PDE10A: variants seen among roughly 807,000 people sequenced by gnomAD.
PDE10A encodes the protein phosphodiesterase 10A.
Under a neutral mutation model 97.7 loss-of-function variants are expected in PDE10A, and 39 were observed. That is an observed-to-expected ratio of 0.40 (90% CI 0.31 to 0.52). PDE10A has a LOEUF of 0.52. Ranked by LOEUF, PDE10A falls within the 20% of genes least tolerant of loss-of-function variation. The pLI, the probability that PDE10A is intolerant of heterozygous loss-of-function variation, is 0.56. For synonymous variants in PDE10A, 371 were observed against 376.8 expected (o/e 0.98, Z 0.18); for missense variants, 731 against 1,047.8 (o/e 0.70, Z 4.17).
At chr6:165,454,917 T>C (rs1777859975) in intron 3 of PDE10A, among the ~76,000 whole-genome samples, 1 of 152,116 alleles carries the variant, frequency 6.6e-6, no homozygotes, top group African/African-American at 2.4e-5. Flanking sequence ...TTCCCAGACA[T>C]GAGCCAATTC....
At chr6:165,970,919 G>C (rs1784649528) in intron 1 of PDE10A, among the ~76,000 whole-genome samples, 1 of 152,208 alleles carries the variant, frequency 6.6e-6, no homozygotes, top group Admixed American at 6.5e-5. Flanking sequence ...GGCCAAGGCA[G>C]GTGGATTACC....
chr6:165,476,652 T>C (rs1314415986), intron 3 of PDE10A, among the ~76,000 whole-genome samples: 1 of 152,132 alleles, frequency 6.6e-6, no homozygotes, highest in African/African-American at 2.4e-5. Flanking sequence ...CACCACATAC[T>C]AGGTTAAATT....
chr6:165,346,773 T>C (rs1562368932), intron 18 of PDE10A, among the ~76,000 whole-genome samples: 1 of 152,298 alleles, frequency 6.6e-6, no homozygotes, highest in East Asian at 1.9e-4. Flanking sequence ...TACTATTTTG[T>C]TGGAAAAGAA....
At chr6:165,833,079 C>T (rs1349272792) in intron 1 of PDE10A, among the ~76,000 whole-genome samples, 1 of 152,182 alleles carries the variant, frequency 6.6e-6, no homozygotes, top group Non-Finnish European at 1.5e-5. Flanking sequence ...TTTTACAGTC[C>T]TATAACATCT....
intron 1 of PDE10A, among the ~76,000 whole-genome samples, chr6:165,637,360 CAT>C (rs760578367): frequency 9.2e-5 from 14 of 152,168 alleles, no homozygotes; most frequent in African/African-American, 1.4e-4. Context: ...TCACCGCACA[CAT>C]GTCCTGCCAG....
chr6:165,829,530 C>A (rs369124538), intron 1 of PDE10A, among the ~76,000 whole-genome samples: 64 of 152,360 alleles, frequency 4.2e-4, no homozygotes, highest in African/African-American at 1.5e-3. Flanking sequence ...TGGGGAGGAG[C>A]ATGCTTCGCC....
intron 1 of PDE10A, among the ~76,000 whole-genome samples, chr6:165,759,618 G>A (rs188986408): frequency 1.3e-5 from 2 of 152,190 alleles, no homozygotes; most frequent in Admixed American, 6.5e-5. Context: ...TTAACACACT[G>A]CAGTGAATAA....
chr6:165,598,917 C>T (rs1258995458), intron 1 of PDE10A, among the ~76,000 whole-genome samples: 1 of 152,190 alleles, frequency 6.6e-6, no homozygotes, highest in African/African-American at 2.4e-5. Context: ...GCTCCCTGTA[C>T]ATGTCCAGTT....
At position 165,523,423 on chromosome 6, in the gene PDE10A, C is replaced by A. The variant is rs76859344; in HGVS notation, c.994+20017G>T. ...CACAGTACTGGTACAAAAACAGACA[C>A]ATAGAGCAATGAATAGAATAGAGAA... On this transcript the variant is annotated intron_variant, in intron 2 of 21. Coordinates refer to ENST00000539869, the MANE Select transcript of PDE10A (RefSeq NM_001385079.1). Among the ~76,000 whole-genome samples the A allele has an allele frequency of 7.4e-3, 1,132 of 152,060 alleles. 12 individuals are homozygous for A. Among genetic ancestry groups the A allele is most frequent in the African/African-American group, 0.026 (1,100 of 41,518 alleles).
At chr6:165,718,658 C>A (rs189114992) in intron 1 of PDE10A, among the ~76,000 whole-genome samples, 1 of 151,146 alleles carries the variant, frequency 6.6e-6, no homozygotes, top group Non-Finnish European at 1.5e-5. Context: ...TCCCCCCGGA[C>A]GAGACACAGG....
chr6:165,544,574 TAAAA>T (rs58985507), intron 1 of PDE10A, among the ~76,000 whole-genome samples: 3 of 134,424 alleles, frequency 2.2e-5, no homozygotes, highest in Admixed American at 7.6e-5. Context: ...ATGGTTAGGT[TAAAA>T]AAAAAAAAAA....
At chr6:165,788,172 T>C (rs1018012731) in intron 1 of PDE10A, among the ~76,000 whole-genome samples, 1 of 152,112 alleles carries the variant, frequency 6.6e-6, no homozygotes, top group African/African-American at 2.4e-5. Flanking sequence ...ACATATATTA[T>C]GTGTAGAATA....
intron 7 of PDE10A, 59 bp from the exon 8 acceptor site, chr6:165,431,531 C>T (rs1583272826): frequency 1.8e-6 from 1 of 569,440 alleles, no homozygotes; most frequent in Non-Finnish European, 2.9e-6. Context: ...TATATATATA[C>T]TATATATAAT....
At chr6:165,859,225 C>T (rs1437433098) in intron 1 of PDE10A, among the ~76,000 whole-genome samples, 3 of 152,198 alleles carry the variant, frequency 2.0e-5, no homozygotes, top group South Asian at 2.1e-4. Flanking sequence ...TCCTCTACCA[C>T]GTGGATTATT....
At chr6:165,621,763 G>GA (rs1203283730) in intron 1 of PDE10A, among the ~76,000 whole-genome samples, 14 of 142,592 alleles carry the variant, frequency 9.8e-5, no homozygotes, top group South Asian at 2.2e-4. Flanking sequence ...ATCTAAAAAA[G>GA]AAAAAAAAAA....
At chr6:165,370,622 T>A (rs2128200658) in intron 18 of PDE10A, among the ~76,000 whole-genome samples, 1 of 148,466 alleles carries the variant, frequency 6.7e-6, no homozygotes, top group South Asian at 2.1e-4. Context: ...TCCCACACAA[T>A]AATAATGGGA....
At chr6:165,869,826 C>A (rs1456377302) in intron 1 of PDE10A, among the ~76,000 whole-genome samples, 1 of 151,900 alleles carries the variant, frequency 6.6e-6, no homozygotes, top group African/African-American at 2.4e-5. Flanking sequence ...GACAAAGGCA[C>A]CAAGAACATA....
chr6:165,497,645 G>T (rs1187378777), intron 2 of PDE10A, among the ~76,000 whole-genome samples: 1 of 152,086 alleles, frequency 6.6e-6, no homozygotes, highest in Non-Finnish European at 1.5e-5. Context: ...ATCTCTGAAT[G>T]ATCTACAACT....
At position 165,741,190 on chromosome 6, in the gene PDE10A, G is replaced by A. The variant is rs181246050; in HGVS notation, c.-614-197622C>T. 2.6e-5 allele frequency among the ~76,000 whole-genome samples: 4 copies of A among 151,996 alleles called. No individual in the cohort carries two copies. In the East Asian group the frequency reaches 5.8e-4, roughly 22 times the overall value. On this transcript the variant is annotated intron_variant, in intron 1 of 19. Coordinates refer to the PDE10A transcript ENST00000366882. ...TATGTTTGTTAATAAGCTTGACTGCGGTAATAATTTCACAGTATGTACGTA... is the reference window on the plus strand; with the variant it reads ...TATGTTTGTTAATAAGCTTGACTGCAGTAATAATTTCACAGTATGTACGTA...
Sources: gnomAD v4.1 joint callset for allele counts (sites outside exome capture counted in the v4.1 genomes callset) on GRCh38, gnomAD v4.1.1 for gene constraint, MANE v1.5 for transcripts, NCBI Gene and HGNC (gene_info 2026-07-23, HGNC 2026-07-21) for gene names.